The following WWP2 variants were observed in gnomAD, a reference collection of about 807,000 sequenced individuals.
WWP2 encodes WW domain containing E3 ubiquitin protein ligase 2.
In WWP2, 57 loss-of-function variants were observed where a neutral mutation model predicts 121.0. The ratio of observed to expected loss-of-function variants is 0.47; its 90% CI spans 0.38 to 0.59. The LOEUF (loss-of-function observed/expected upper bound fraction) is 0.59, where lower values mean the gene tolerates loss of function less well. Among genes scored for constraint, WWP2 ranks in the 20% least tolerant of loss-of-function variants. The pLI is 0.00. For missense variants in WWP2, 962 were observed against 1,158.9 expected, an observed-to-expected ratio of 0.83 and a Z score of 2.47; for synonymous variants, 449 against 441.3, an observed-to-expected ratio of 1.02 and a Z score of -0.22.
In WWP2 at chr16:69,851,075, A is replaced by G. The variant is rs554003588; in HGVS notation, c.575+8955A>G. ...CCACTGGCTGGAGTGCAGTGGCTCA[A>G]TCTCAGCTTACTGCAACCTCTGCCT... is the stretch of plus-strand genomic sequence containing the variant. On this transcript the variant is annotated intron_variant, in intron 6 of 23. Transcript: ENST00000359154. Among the ~76,000 whole-genome samples, 111 of 149,618 alleles carry G rather than the reference A, an allele frequency of 7.4e-4. No individual in the cohort carries two copies. In the Middle Eastern group the frequency reaches 0.017, roughly 23 times the overall value.
chr16:69,782,759 C>T (rs981022943), intron 1 of WWP2, among the ~76,000 whole-genome samples: 2 of 152,106 alleles, frequency 1.3e-5, no homozygotes, highest in Admixed American at 6.6e-5. Context: ...AATCTTGGAG[C>T]GTGACATTGT....
chr16:69,863,785 C>A (rs906302952), intron 6 of WWP2, among the ~76,000 whole-genome samples: 3 of 152,326 alleles, frequency 2.0e-5, no homozygotes, highest in African/African-American at 7.2e-5. Context: ...CTAAGTTTGA[C>A]CTCTTCTTGA....
At chr16:69,843,399 T>G (rs2151876417) in intron 6 of WWP2, among the ~76,000 whole-genome samples, 1 of 152,230 alleles carries the variant, frequency 6.6e-6, no homozygotes, top group East Asian at 1.9e-4. Flanking sequence ...GTTCTAAGTA[T>G]AAAGAGATGA....
At chr16:69,873,257 C>G (rs1171954524) in intron 7 of WWP2, among the ~76,000 whole-genome samples, 1 of 152,368 alleles carries the variant, frequency 6.6e-6, no homozygotes, top group South Asian at 2.1e-4. Context: ...CCCTTCAGTT[C>G]TGTGGCAGCA....
intron 8 of WWP2, among the ~76,000 whole-genome samples, chr16:69,907,850 A>T (rs2058317528): frequency 1.3e-5 from 2 of 152,310 alleles, no homozygotes; most frequent in African/African-American, 4.8e-5. Flanking sequence ...ATTCACCCAG[A>T]TCTCGTTTAA....
intron 8 of WWP2, among the ~76,000 whole-genome samples, chr16:69,891,354 G>A (rs1223984647): frequency 6.6e-6 from 1 of 152,094 alleles, no homozygotes; most frequent in Non-Finnish European, 1.5e-5. Context: ...ACCAACAAAG[G>A]GTGTGTTGTG....
intron 9 of WWP2, among the ~76,000 whole-genome samples, chr16:69,916,299 G>A (rs1728077517): frequency 6.6e-6 from 1 of 152,124 alleles, no homozygotes; most frequent in South Asian, 2.1e-4. Context: ...GGCACAAGCA[G>A]TCCTCCCACC....
At chr16:69,823,727 C>G (rs1486081241) in intron 4 of WWP2, among the ~76,000 whole-genome samples, 1 of 152,232 alleles carries the variant, frequency 6.6e-6, no homozygotes, top group Non-Finnish European at 1.5e-5. Flanking sequence ...CCCAGCCTCC[C>G]AAAGTGCTGG....
At chr16:69,905,025 A>G (rs1032056932) in intron 8 of WWP2, among the ~76,000 whole-genome samples, 1 of 152,220 alleles carries the variant, frequency 6.6e-6, no homozygotes, top group Admixed American at 6.5e-5. Flanking sequence ...GGTTCCAGCC[A>G]GTCACAGGCA....
rs931198384 is a variant in WWP2 at position 69,802,226 on chromosome 16, C to T, written c.340+2931C>T. 2.0e-5 allele frequency among the ~76,000 whole-genome samples: 3 copies of T among 152,110 alleles called. No individual in the cohort carries two copies. The East Asian group carries it at 5.8e-4, about 29-fold the overall frequency. On this transcript the variant is annotated intron_variant, in intron 4 of 23. Transcript: ENST00000359154. ...ACAGGCATGAGCCACCGTGCCTGGCCTATATTTATTTTTAGTTGTGATAAA... is the reference window on the plus strand; with the variant it reads ...ACAGGCATGAGCCACCGTGCCTGGCTTATATTTATTTTTAGTTGTGATAAA...
intron 4 of WWP2, among the ~76,000 whole-genome samples, chr16:69,833,505 G>C (rs949990831): frequency 6.6e-6 from 1 of 152,174 alleles, no homozygotes; most frequent in Non-Finnish European, 1.5e-5. Flanking sequence ...GTCTTTCAAA[G>C]GGCACAGTCC....
intron 4 of WWP2, among the ~76,000 whole-genome samples, chr16:69,833,429 T>C (rs747333975): frequency 1.4e-4 from 22 of 152,214 alleles, no homozygotes; most frequent in Non-Finnish European, 2.4e-4. Context: ...TGTGGTGATA[T>C]GTGTTTCCAT....
intron 4 of WWP2, among the ~76,000 whole-genome samples, chr16:69,836,005 G>A (rs1351960835): frequency 6.6e-6 from 1 of 152,030 alleles, no homozygotes; most frequent in Non-Finnish European, 1.5e-5. Context: ...GTTTCACCAT[G>A]TTGGCCAGGC....
At chr16:69,860,947 G>A (rs911413022) in intron 6 of WWP2, among the ~76,000 whole-genome samples, 5 of 152,324 alleles carry the variant, frequency 3.3e-5, no homozygotes, top group African/African-American at 1.2e-4. Context: ...AAAGGAGGCA[G>A]TGAGTGGGCC....
intron 16 of WWP2, 132 bp downstream of exon 16, chr16:69,932,022 A>G (rs1007058167): frequency 3.3e-6 from 3 of 901,782 alleles, no homozygotes; most frequent in Non-Finnish European, 5.0e-6. Flanking sequence ...GAATGGGCAC[A>G]GTGTGGCATT....
rs909142322 is a variant in WWP2, at chr16:69,892,829, C to T, written c.914+4580C>T. Among the ~76,000 whole-genome samples the T allele has an allele frequency of 4.6e-5, 7 of 152,230 alleles. No individual in the cohort carries two copies. The East Asian group carries it at 7.7e-4, about 17-fold the overall frequency. On this transcript the variant is annotated intron_variant, in intron 8 of 23. Coordinates refer to ENST00000359154, the MANE Select transcript of WWP2 (RefSeq NM_001270454.2). ...GATTACAGGCATGAGCCACTGCGCC[C>T]GGCCCTGTTTTAACTTTTAAAAATA... is the stretch of plus-strand genomic sequence containing the variant.
chr16:69,895,042 TC>T (rs1378413475), intron 8 of WWP2: 2 of 152,234 alleles, frequency 1.3e-5, no homozygotes, highest in Non-Finnish European at 2.9e-5. Context: ...AGGGATGTTT[TC>T]TGGATCTTTC....
chr16:69,806,953 T>C (rs147469729), intron 4 of WWP2, among the ~76,000 whole-genome samples: 8,460 of 146,074 alleles, frequency 0.058, 318 homozygotes, highest in Admixed American at 0.088. Context: ...TTTATTTATT[T>C]ATTCATTCAT....
chr16:69,771,426 T>C (rs2055412975), intron 1 of WWP2, among the ~76,000 whole-genome samples: 1 of 152,128 alleles, frequency 6.6e-6, no homozygotes, highest in Admixed American at 6.6e-5. Flanking sequence ...TTTGTATTTT[T>C]AGTAGAGACG....
Sources: allele counts gnomAD v4.1 joint callset (sites outside exome capture counted in the v4.1 genomes callset), GRCh38; gene constraint gnomAD v4.1.1; transcripts MANE v1.5; gene names NCBI Gene and HGNC (gene_info 2026-07-23, HGNC 2026-07-21).